CACNA1E: variants seen among roughly 807,000 people sequenced by gnomAD.
The protein encoded by CACNA1E is voltage-dependent R-type calcium channel subunit alpha-1E.
Under a neutral mutation model 259.2 loss-of-function variants are expected in CACNA1E, and 40 were observed. The observed-to-expected ratio is 0.15, with a 90% CI of 0.12 to 0.20. The LOEUF (loss-of-function observed/expected upper bound fraction) is 0.20. CACNA1E is among the 10% of genes least tolerant of loss of function. The pLI is 1.00. For synonymous variants in CACNA1E, 1,104 were observed against 1,138.5 expected, an observed-to-expected ratio of 0.97 and a Z score of 0.61; for missense variants, 1,874 against 3,040.1, an observed-to-expected ratio of 0.62 and a Z score of 9.02.
intron 3 of CACNA1E, among the ~76,000 whole-genome samples, chr1:181,519,652 G>A (rs775639391): frequency 7.9e-5 from 12 of 152,054 alleles, no homozygotes; most frequent in Non-Finnish European, 1.2e-4. Context: ...TTTTAGATGG[G>A]GTGTGGTGAG....
chr1:181,588,725 T>C (rs1482477306), intron 6 of CACNA1E, among the ~76,000 whole-genome samples: 1 of 152,244 alleles, frequency 6.6e-6, no homozygotes, highest in Non-Finnish European at 1.5e-5. Context: ...TACTCTAATA[T>C]GCGGTTTAAT....
intron 43 of CACNA1E, among the ~76,000 whole-genome samples, chr1:181,789,371 A>G (rs1291973710): frequency 6.6e-6 from 1 of 152,230 alleles, no homozygotes; most frequent in East Asian, 1.9e-4. Flanking sequence ...TTCTCCTGTA[A>G]TCTAAAAAAA....
At chr1:181,584,972 A>G (rs755856831) in intron 6 of CACNA1E, among the ~76,000 whole-genome samples, 17 of 152,234 alleles carry the variant, frequency 1.1e-4, no homozygotes, top group Non-Finnish European at 1.9e-4. Flanking sequence ...TGTAATTGTA[A>G]TTGGTATCCA....
intron 43 of CACNA1E, among the ~76,000 whole-genome samples, chr1:181,789,755 A>G (rs1311486197): frequency 6.6e-6 from 1 of 152,214 alleles, no homozygotes; most frequent in Non-Finnish European, 1.5e-5. Context: ...TAACAAGCCT[A>G]CTGTGCCAGT....
At position 181,772,211 on chromosome 1, in the gene CACNA1E, A is replaced by G. The variant is rs1231030631; in HGVS notation, c.5119A>G (p.Ile1707Val). The G allele has an allele frequency of 5.0e-6, 8 of 1,613,424 alleles. No homozygotes were observed. Among genetic ancestry groups the G allele is most frequent in the Non-Finnish European group, 6.8e-6 (8 of 1,179,680 alleles). Residue 1707 changes from isoleucine (I) to valine (V), a missense_variant, in exon 37 of 48, where the codon ATC becomes GTC. By Grantham distance (29) the Ile-to-Val change is conservative. Coordinates refer to ENST00000367573, the MANE Select transcript of CACNA1E (RefSeq NM_001205293.3). ...GGCCTACGTGTACTTTGTCTCCTTCATCTTCTTCTGCTCCTTCTTGGTGAG... is the reference window on the plus strand; with the variant it reads ...GGCCTACGTGTACTTTGTCTCCTTCGTCTTCTTCTGCTCCTTCTTGGTGAG... ...DLAYVYFVSFIFFCSFLMLNL... is the reference protein window; with the variant it reads ...DLAYVYFVSFVFFCSFLMLNL...
chr1:181,620,862 AG>A (rs897523906), intron 6 of CACNA1E, among the ~76,000 whole-genome samples: 3 of 152,222 alleles, frequency 2.0e-5, no homozygotes, highest in Non-Finnish European at 4.4e-5. Flanking sequence ...GACTTAAATA[AG>A]TAAAGAGGAA....
intron 6 of CACNA1E, among the ~76,000 whole-genome samples, chr1:181,628,113 C>G (rs181205520): frequency 2.0e-5 from 3 of 152,134 alleles, no homozygotes; most frequent in African/African-American, 7.2e-5. Context: ...GAGTCAATGT[C>G]GATAACCTTT....
At chr1:181,704,878 C>T (rs1313788223) in intron 7 of CACNA1E, among the ~76,000 whole-genome samples, 2 of 152,152 alleles carry the variant, frequency 1.3e-5, no homozygotes, top group Non-Finnish European at 2.9e-5. Flanking sequence ...CCCCAGCCGA[C>T]CTACCAGAAC....
chr1:181,775,476 AGAG>A (rs1345905638), intron 37 of CACNA1E, among the ~76,000 whole-genome samples: 1 of 152,174 alleles, frequency 6.6e-6, no homozygotes, highest in Admixed American at 6.5e-5. Flanking sequence ...GCTGCTACCA[AGAG>A]TTCTTTCTGA....
At chr1:181,369,416 G>A (rs1654521247) in intron 1 of CACNA1E, among the ~76,000 whole-genome samples, 1 of 152,372 alleles carries the variant, frequency 6.6e-6, no homozygotes, top group East Asian at 1.9e-4. Flanking sequence ...CCCTGCGAGG[G>A]AAGCTAATTT....
chr1:181,759,395 C>CTGTG (rs10677275), intron 32 of CACNA1E, among the ~76,000 whole-genome samples: 52,354 of 146,788 alleles, frequency 0.36, 9,425 homozygotes, highest in South Asian at 0.49. Context: ...AGGGGTGTGT[C>CTGTG]TGTGTGTGTG....
At chr1:181,688,226 T>A (rs1650782476) in intron 7 of CACNA1E, among the ~76,000 whole-genome samples, 1 of 152,218 alleles carries the variant, frequency 6.6e-6, no homozygotes, top group Non-Finnish European at 1.5e-5. Context: ...TTGCTTATCA[T>A]TTAGTTTTAC....
intron 2 of CACNA1E, among the ~76,000 whole-genome samples, chr1:181,444,172 G>T (rs540329044): frequency 6.6e-6 from 1 of 152,190 alleles, no homozygotes; most frequent in South Asian, 2.1e-4. Context: ...CATAGGCAGG[G>T]TGGCCGAGAA....
intron 1 of CACNA1E, among the ~76,000 whole-genome samples, chr1:181,486,440 G>T (rs1038293821): frequency 6.6e-6 from 1 of 152,162 alleles, no homozygotes; most frequent in African/African-American, 2.4e-5. Flanking sequence ...GGAAACATTG[G>T]GCTTCCGTGG....
chr1:181,493,385 G>C (rs1029675260), intron 1 of CACNA1E, among the ~76,000 whole-genome samples: 2 of 152,138 alleles, frequency 1.3e-5, no homozygotes, highest in African/African-American at 4.8e-5. Flanking sequence ...CTAACCAAAG[G>C]GCATGAATTC....
At chr1:181,742,231 G>A (rs904660163) in intron 25 of CACNA1E, among the ~76,000 whole-genome samples, 2 of 152,128 alleles carry the variant, frequency 1.3e-5, no homozygotes, top group Admixed American at 1.3e-4. Flanking sequence ...ACTTTGATGG[G>A]GTTAGCCAGA....
Position 181,528,065 on chromosome 1 carries a change from A to G in CACNA1E, c.512+16555A>G, listed in dbSNP as rs138248419. Among the ~76,000 whole-genome samples the G allele has an allele frequency of 7.4e-5, 11 of 148,844 alleles. 1 individual carries two copies. In the East Asian group the frequency reaches 2.2e-3, roughly 29 times the overall value. ...TTTACTCCCCATCTTTCCACTTCTG[A>G]TATGGTTTGGTTGTGTCCCTACCCA... On this transcript the variant is annotated intron_variant, in intron 3 of 47. Coordinates refer to ENST00000367573, the MANE Select transcript of CACNA1E (RefSeq NM_001205293.3).
intron 8 of CACNA1E, among the ~76,000 whole-genome samples, chr1:181,714,558 A>G (rs115995309): frequency 7.7e-4 from 118 of 152,278 alleles, no homozygotes; most frequent in African/African-American, 2.6e-3. Context: ...GGGGAGGCTG[A>G]AAGTTCTAGC....
At chr1:181,616,536 C>A (rs941705255) in intron 6 of CACNA1E, among the ~76,000 whole-genome samples, 1 of 152,000 alleles carries the variant, frequency 6.6e-6, no homozygotes, top group Non-Finnish European at 1.5e-5. Context: ...CATGGTGAAA[C>A]CCCATCTCTA....
Sources: gnomAD v4.1 joint callset for allele counts (sites outside exome capture counted in the v4.1 genomes callset) on GRCh38, gnomAD v4.1.1 for gene constraint, MANE v1.5 for transcripts, NCBI Gene and HGNC (gene_info 2026-07-23, HGNC 2026-07-21) for gene names.